The following TPR variants were observed in gnomAD, a reference collection of about 807,000 sequenced individuals.
The protein encoded by TPR is nucleoprotein TPR.
In TPR, 51 loss-of-function variants were observed where a neutral mutation model predicts 316.1. The observed-to-expected ratio is 0.16, with a 90% confidence interval of 0.13 to 0.20. The LOEUF is 0.20. Ranked by LOEUF, TPR falls within the 10% of genes least tolerant of loss-of-function variation. TPR has a pLI of 1.00. For synonymous variants in TPR, 981 were observed against 914.7 expected, an observed-to-expected ratio of 1.07 and a Z score of -1.31; for missense variants, 2,272 against 2,754.8, an observed-to-expected ratio of 0.82 and a Z score of 3.92.
chr1:186,363,267 T>A, intron 5 of TPR, 75 bp downstream of exon 5: 2 of 1,255,342 alleles, frequency 1.6e-6, no homozygotes, highest in Non-Finnish European at 2.3e-6. Flanking sequence ...CTTTATTGCC[T>A]ATATTTGAAA....
chr1:186,355,321 C>T, intron 17 of TPR, 89 bp downstream of exon 17: 3 of 1,401,612 alleles, frequency 2.1e-6, no homozygotes, highest in South Asian at 1.3e-5. Flanking sequence ...AAAAGCAACA[C>T]TATTGCAAAT....
At chr1:186,336,233 T>C (rs1658337307) in intron 33 of TPR, among the ~76,000 whole-genome samples, 1 of 152,168 alleles carries the variant, frequency 6.6e-6, no homozygotes. Context: ...TTGTTATCCA[T>C]GAAAGCAGAA....
chr1:186,325,219 T>C (rs1657885283), intron 42 of TPR, among the ~76,000 whole-genome samples: 1 of 152,200 alleles, frequency 6.6e-6, no homozygotes, highest in Non-Finnish European at 1.5e-5. Context: ...AGATAATCAC[T>C]AATTATTTAA....
Position 186,331,590 on chromosome 1 carries a change from T to C in TPR, c.5605-9A>G, listed in dbSNP as rs1557998909. ...TCTGCCATAACTTCTTCCTGTATCA[T>C]AATACACTAATATATTAACCATATC... On this transcript the variant is annotated splice_polypyrimidine_tract_variant and intron_variant, in intron 38 of 50. Coordinates refer to ENST00000367478, the MANE Select transcript of TPR (RefSeq NM_003292.3). 2 of 1,586,422 alleles carry C rather than the reference T, an allele frequency of 1.3e-6. No individual in the cohort carries two copies. The highest frequency in any genetic ancestry group is 1.3e-5 in the African/African-American group (1 of 74,280).
chr1:186,312,909 A>C lies in TPR; in HGVS notation c.*1062T>G, dbSNP rs1272072060. 1.9e-6 allele frequency: 3 copies of C among 1,606,864 alleles called. No individual in the cohort carries two copies. Among genetic ancestry groups the C allele is most frequent in the Non-Finnish European group, 2.6e-6 (3 of 1,173,536 alleles). On this transcript the variant is annotated 3_prime_UTR_variant, in exon 51 of 51. Coordinates refer to ENST00000367478, the MANE Select transcript of TPR (RefSeq NM_003292.3). The stretch of plus-strand genomic sequence containing the variant: ...CTTTTCTAAAGGTAAGGTATTAACT[A>C]ACAGTTTCCCAAGGAGGTGATATCA...
Position 186,373,462 on chromosome 1 carries a change from T to C in TPR, c.153A>G (p.Glu51=), listed in dbSNP as rs1423331680. The part of the protein sequence containing the change: ...GRHEKFKVES[E]QQYFEIEKRL... ...TCTTTTCTATTTCAAAATACTGTTG[T>C]TCTACAGCAGACAAGCAAAAAACAA... The change falls in exon 2 of 51, where the codon GAA becomes GAG. Residue 51 remains glutamate (E), a splice_region_variant and synonymous_variant. Transcript: ENST00000367478. 1 of 1,608,374 alleles carries C rather than the reference T, an allele frequency of 6.2e-7. No homozygotes were observed. Among genetic ancestry groups the C allele is most frequent in the African/African-American group, 1.3e-5 (1 of 74,636 alleles).
At chr1:186,343,171 T>C (rs1385722875) in intron 27 of TPR, 155 bp downstream of exon 27, 2 of 959,084 alleles carry the variant, frequency 2.1e-6, no homozygotes, top group African/African-American at 3.3e-5. Context: ...TTAAGCACTA[T>C]ACTATATTAG....
chr1:186,333,530 A>G, intron 36 of TPR, 136 bp from the exon 37 acceptor site: 1 of 1,031,910 alleles, frequency 9.7e-7, no homozygotes, highest in African/African-American at 1.6e-5. Context: ...AGGTAAAGGT[A>G]ATGTATTATG....
At position 186,357,618 on chromosome 1, in the gene TPR, T is replaced by C. The variant is rs1408497093; in HGVS notation, c.1503A>G (p.Arg501=). The C allele has an allele frequency of 3.7e-6, 6 of 1,611,116 alleles. No homozygotes were observed. The highest frequency in any genetic ancestry group is 5.1e-6 in the Non-Finnish European group (6 of 1,179,152). The change falls in exon 14 of 51, where the codon AGA becomes AGG. Residue 501 remains arginine, a synonymous_variant. Transcript: ENST00000367478. ...IQVKDLSQQI[R]VLLMELEEAR... ...CTTCTTCAAGTTCCATCAAAAGCAC[T>C]CTAATCTAAAAACAAAGTTTTAATA... is the stretch of plus-strand genomic sequence containing the variant.
chr1:186,347,934 T>C (rs1381229880), intron 21 of TPR, among the ~76,000 whole-genome samples: 2 of 152,210 alleles, frequency 1.3e-5, no homozygotes, highest in East Asian at 1.9e-4. Flanking sequence ...TCCTATTATC[T>C]TCCTAAGTTG....
At chr1:186,330,366 C>G (rs1294852584) in intron 39 of TPR, among the ~76,000 whole-genome samples, 1 of 152,062 alleles carries the variant, frequency 6.6e-6, no homozygotes, top group African/African-American at 2.4e-5. Context: ...AGAGCACTGG[C>G]AAGGAACTGC....
intron 39 of TPR, among the ~76,000 whole-genome samples, 185 bp downstream of exon 39, chr1:186,331,313 G>A (rs975445784): frequency 6.6e-6 from 1 of 151,812 alleles, no homozygotes; most frequent in Non-Finnish European, 1.5e-5. Flanking sequence ...AAGTTTAGAA[G>A]GCAGTACACT....
chr1:186,355,592 T>C (rs769763580), intron 16 of TPR, 34 bp from the exon 17 acceptor site: 27 of 1,613,602 alleles, frequency 1.7e-5, no homozygotes, highest in Non-Finnish European at 2.2e-5. Flanking sequence ...GGTAACACTG[T>C]GTTCTCTAAA....
At position 186,357,525 on chromosome 1, in the gene TPR, T is replaced by A; in HGVS notation, c.1596A>T (p.Val532=). ...TGTAAGATACTAGATGCTGTGATATTACCTCAGATGAACTACTTATATCAG... is the reference window on the plus strand; with the variant it reads ...TGTAAGATACTAGATGCTGTGATATAACCTCAGATGAACTACTTATATCAG... ...SSADISSSSE[V]ISQHLVSYRN... The change falls in exon 14 of 51, where the codon GTA becomes GTT. Residue 532 remains valine, a synonymous_variant. Transcript: ENST00000367478. The A allele has an allele frequency of 6.2e-7, 1 of 1,614,168 alleles. No individual in the cohort carries two copies. Among genetic ancestry groups the A allele is most frequent in the South Asian group, 1.1e-5 (1 of 91,080 alleles).
intron 4 of TPR, 127 bp downstream of exon 4, chr1:186,367,759 A>G (rs1659392142): frequency 1.8e-6 from 1 of 559,872 alleles, no homozygotes; most frequent in African/African-American, 1.9e-5. Context: ...ATAATAGGAT[A>G]TGACAACTCT....
intron 4 of TPR, among the ~76,000 whole-genome samples, chr1:186,365,266 T>C (rs1162263784): frequency 6.6e-6 from 1 of 152,048 alleles, no homozygotes; most frequent in Non-Finnish European, 1.5e-5. Flanking sequence ...CAGCTAATTT[T>C]TGTATTTTTA....
chr1:186,312,884 C>A lies in TPR; in HGVS notation c.*1087G>T, dbSNP rs80196755. The A allele has an allele frequency of 3.5e-3, 5,662 of 1,612,100 alleles. 21 individuals carry two copies. The highest frequency in any genetic ancestry group is 6.0e-3 in the Admixed American group (361 of 60,008). The stretch of plus-strand genomic sequence containing the variant: ...AACCTGACGGCTATGATTACTATGC[C>A]TTTTCTAAAGGTAAGGTATTAACTA... On this transcript the variant is annotated 3_prime_UTR_variant, in exon 51 of 51. Transcript: ENST00000367478.
chr1:186,351,489 T>C lies in TPR; in HGVS notation c.2470-19A>G, dbSNP rs1160944695. On this transcript the variant is annotated intron_variant, in intron 19 of 50. Transcript: ENST00000367478. ...GTATTCCCTAAAGCAAAGAAAAGAT[T>C]TTTGGTTATGCTTAAGAAAAAGGCA... 6.5e-7 allele frequency: 1 copy of C among 1,539,510 alleles called. No individual in the cohort carries two copies. Among genetic ancestry groups the C allele is most frequent in the Admixed American group, 2.2e-5 (1 of 44,834 alleles).
intron 40 of TPR, among the ~76,000 whole-genome samples, chr1:186,326,761 G>T (rs1024632573): frequency 3.5e-4 from 52 of 149,368 alleles, no homozygotes; most frequent in African/African-American, 9.1e-4. Flanking sequence ...TTTTATCTCC[G>T]GAAACCATAG....
Sources: gnomAD v4.1 joint callset for allele counts (sites outside exome capture counted in the v4.1 genomes callset) on GRCh38, gnomAD v4.1.1 for gene constraint, MANE v1.5 for transcripts, NCBI Gene and HGNC (gene_info 2026-07-23, HGNC 2026-07-21) for gene names.